Variants in GSK3B observed in about 807,000 individuals in gnomAD.
GSK3B encodes glycogen synthase kinase 3 beta, also known as glycogen synthase kinase-3 beta.
A neutral mutation model predicts 56.4 loss-of-function variants in GSK3B; 15 were observed. The observed-to-expected ratio is 0.27, with a 90% CI of 0.18 to 0.41. GSK3B has a LOEUF of 0.41. GSK3B is among the 10% of genes least tolerant of loss of function. GSK3B has a pLI of 1.00. For synonymous variants in GSK3B, 181 were observed against 188.9 expected (o/e 0.96, Z 0.34); for missense variants, 300 against 513.4 (o/e 0.58, Z 4.02).
At chr3:119,918,431 C>G (rs1486844853) in intron 4 of GSK3B, among the ~76,000 whole-genome samples, 2 of 151,334 alleles carry the variant, frequency 1.3e-5, no homozygotes, top group Non-Finnish European at 3.0e-5. Flanking sequence ...GAATGCACCA[C>G]TGCACTCCAG....
At chr3:119,989,783 T>C (rs2057547612) in intron 2 of GSK3B, among the ~76,000 whole-genome samples, 1 of 152,156 alleles carries the variant, frequency 6.6e-6, no homozygotes, top group Non-Finnish European at 1.5e-5. Flanking sequence ...ACTAATGTTC[T>C]TACCCTGCCC....
Position 120,040,619 on chromosome 3 carries a change from C to T in GSK3B, c.89-38380G>A, listed in dbSNP as rs576838151. On this transcript the variant is annotated intron_variant, in intron 1 of 10. Transcript: ENST00000264235. ...TAACTAGGACCCAACATGGGAAATACGCCAAGCAAGACAAGAAGTAAAAAG... is the reference window on the plus strand; with the variant it reads ...TAACTAGGACCCAACATGGGAAATATGCCAAGCAAGACAAGAAGTAAAAAG... 1.7e-4 allele frequency among the ~76,000 whole-genome samples: 26 copies of T among 152,100 alleles called. 1 individual carries two copies. Among genetic ancestry groups the T allele is most frequent in the South Asian group, 1.2e-3 (6 of 4,812 alleles).
At chr3:119,858,288 A>G (rs1325329626) in intron 9 of GSK3B, among the ~76,000 whole-genome samples, 1 of 152,218 alleles carries the variant, frequency 6.6e-6, no homozygotes, top group African/African-American at 2.4e-5. Context: ...TCTTCTTCCA[A>G]TAGAAGGCTG....
intron 1 of GSK3B, among the ~76,000 whole-genome samples, chr3:120,031,991 C>T (rs975045875): frequency 5.9e-5 from 9 of 152,158 alleles, no homozygotes; most frequent in Non-Finnish European, 7.3e-5. Flanking sequence ...CTTATGTTGT[C>T]CTAGTCACTA....
At position 119,905,790 on chromosome 3, in the gene GSK3B, C is replaced by G; in HGVS notation, c.778G>C (p.Asp260His). Residue 260 changes from aspartate (D) to histidine (H), a missense_variant, in exon 7 of 11, where the codon GAT becomes CAT. Physicochemically the swap from Asp to His is moderately conservative, Grantham distance 81. Around this residue, in one of 6 missense-constraint regions of GSK3B, gnomAD observed 39 missense variants for 154.6 expected, o/e 0.25. Coordinates refer to ENST00000264235, the MANE Select transcript of GSK3B (RefSeq NM_001146156.2). ...LLLGQPIFPG[D>H]SGVDQLVEII... ...TCTACCAACTGATCCACACCACTATCCCCTGGAAATATTGGTTGTCCTAGT... is the reference window on the plus strand; with the variant it reads ...TCTACCAACTGATCCACACCACTATGCCCTGGAAATATTGGTTGTCCTAGT... 1 of 1,599,370 alleles carries G rather than the reference C, an allele frequency of 6.3e-7. No homozygotes were observed. Among genetic ancestry groups the G allele is most frequent in the Non-Finnish European group, 8.6e-7 (1 of 1,166,636 alleles).
At chr3:120,080,065 T>A (rs149480963) in intron 1 of GSK3B, among the ~76,000 whole-genome samples, 134 of 152,188 alleles carry the variant, frequency 8.8e-4, no homozygotes, top group Non-Finnish European at 1.5e-3. Flanking sequence ...GAGACCAAGG[T>A]GGCTGGACTG....
At chr3:119,932,900 C>T (rs1159556040) in intron 3 of GSK3B, among the ~76,000 whole-genome samples, 2 of 152,088 alleles carry the variant, frequency 1.3e-5, no homozygotes, top group South Asian at 2.1e-4. Flanking sequence ...GTGTTTGAGA[C>T]CAGCTTGGCC....
chr3:119,885,766 T>C (rs1174938806), intron 7 of GSK3B, among the ~76,000 whole-genome samples: 1 of 152,188 alleles, frequency 6.6e-6, no homozygotes, highest in East Asian at 1.9e-4. Context: ...CCATCTGATC[T>C]TCGTCACAGT....
At chr3:120,037,551 A>G (rs2058033198) in intron 1 of GSK3B, among the ~76,000 whole-genome samples, 1 of 152,194 alleles carries the variant, frequency 6.6e-6, no homozygotes, top group Admixed American at 6.5e-5. Context: ...ATGCAAAGGA[A>G]GGAAATATGT....
rs190815864 is a variant in GSK3B at position 119,978,652 on chromosome 3, T to C, written c.282+23394A>G. 2.6e-4 allele frequency among the ~76,000 whole-genome samples: 39 copies of C among 152,170 alleles called. No homozygotes were observed. The East Asian group carries it at 7.3e-3, about 29-fold the overall frequency. On this transcript the variant is annotated intron_variant, in intron 2 of 10. Transcript: ENST00000264235. ...TGCCCCATCTTTTCTCTCACTTCAC[T>C]TTTCCCTCATCCTCCCTTTTTTTTT...
At chr3:120,026,351 T>C (rs1182976252) in intron 1 of GSK3B, among the ~76,000 whole-genome samples, 1 of 152,096 alleles carries the variant, frequency 6.6e-6, no homozygotes, top group Non-Finnish European at 1.5e-5. Flanking sequence ...AAACAAAGGA[T>C]ACGGGAGAGA....
intron 1 of GSK3B, among the ~76,000 whole-genome samples, chr3:120,022,596 GA>G (rs1249424261): frequency 1.3e-5 from 2 of 151,938 alleles, no homozygotes; most frequent in South Asian, 4.1e-4. Context: ...AGAAATGAAA[GA>G]AAAAAAGACC....
At chr3:119,964,700 A>T (rs2057303405) in intron 2 of GSK3B, among the ~76,000 whole-genome samples, 1 of 152,218 alleles carries the variant, frequency 6.6e-6, no homozygotes, top group Non-Finnish European at 1.5e-5. Flanking sequence ...CCTATAATTA[A>T]CAAGGTGAAC....
chr3:120,030,795 A>C (rs183568342), intron 1 of GSK3B, among the ~76,000 whole-genome samples: 42 of 152,354 alleles, frequency 2.8e-4, no homozygotes, highest in Admixed American at 2.2e-3. Context: ...CAAAGCACTT[A>C]ATCACAATTT....
At chr3:119,951,354 C>T (rs1181843685) in intron 2 of GSK3B, among the ~76,000 whole-genome samples, 1 of 152,206 alleles carries the variant, frequency 6.6e-6, no homozygotes, top group Non-Finnish European at 1.5e-5. Context: ...GGCAGATCAC[C>T]TGAGGACAGG....
intron 7 of GSK3B, among the ~76,000 whole-genome samples, chr3:119,897,530 C>T (rs997398301): frequency 2.6e-5 from 4 of 151,610 alleles, no homozygotes; most frequent in South Asian, 2.1e-4. Context: ...GGGAGAGCTA[C>T]GGGAAGGCCA....
At chr3:119,903,295 T>TA (rs1330029545) in intron 7 of GSK3B, among the ~76,000 whole-genome samples, 1 of 152,184 alleles carries the variant, frequency 6.6e-6, no homozygotes. Flanking sequence ...TGGAAATACT[T>TA]ACAGTTCTCT....
intron 9 of GSK3B, among the ~76,000 whole-genome samples, chr3:119,854,030 C>T: frequency 6.6e-6 from 1 of 151,628 alleles, no homozygotes. Context: ...CAGTTTTTGC[C>T]CATTCAGTAT....
At chr3:120,086,700 T>G (rs1418947979) in intron 1 of GSK3B, among the ~76,000 whole-genome samples, 1 of 151,908 alleles carries the variant, frequency 6.6e-6, no homozygotes, top group Non-Finnish European at 1.5e-5. Flanking sequence ...GAGGTTGAGG[T>G]TAAAAGATCA....
Sources: gnomAD v4.1 joint callset for allele counts (sites outside exome capture counted in the v4.1 genomes callset) on GRCh38, gnomAD v4.1.1 for gene constraint, gnomAD v4.1.1 regional missense constraint, MANE v1.5 for transcripts, NCBI Gene and HGNC (gene_info 2026-07-23, HGNC 2026-07-21) for gene names.